GNAO1: variants seen among roughly 807,000 people sequenced by gnomAD.
GNAO1 encodes guanine nucleotide-binding protein G(o) subunit alpha.
For missense variants in GNAO1, 166 were observed against 478.7 expected, an observed-to-expected ratio of 0.35 and a Z score of 6.10; for synonymous variants, 164 against 180.7, an observed-to-expected ratio of 0.91 and a Z score of 0.74.
intron 6 of GNAO1, chr16:56,348,110 TAATA>T (rs1479462163): frequency 1.0e-5 from 10 of 970,636 alleles, no homozygotes; most frequent in Non-Finnish European, 1.2e-5. Flanking sequence ...CTTGTTGGTT[TAATA>T]AATCTCTAGT....
chr16:56,305,821 G>A (rs185386033), intron 3 of GNAO1, among the ~76,000 whole-genome samples: 8 of 152,316 alleles, frequency 5.3e-5, no homozygotes, highest in Admixed American at 5.2e-4. Context: ...GTAGATGGCT[G>A]TTTTCTCCCC....
intron 2 of GNAO1, among the ~76,000 whole-genome samples, chr16:56,205,084 A>T (rs1385299885): frequency 2.0e-5 from 3 of 152,190 alleles, no homozygotes; most frequent in Non-Finnish European, 1.5e-5. Context: ...GAAAACTGGG[A>T]CATCAGCTCA....
At chr16:56,337,010 C>T (rs773889434) in intron 6 of GNAO1, 150 bp downstream of exon 6, 8 of 748,552 alleles carry the variant, frequency 1.1e-5, no homozygotes, top group East Asian at 5.5e-5. Flanking sequence ...ATGGACAGGC[C>T]GTGCCGGCAC....
At chr16:56,236,883 C>T (rs927272542) in intron 2 of GNAO1, among the ~76,000 whole-genome samples, 56 of 152,152 alleles carry the variant, frequency 3.7e-4, no homozygotes, top group African/African-American at 1.1e-3. Context: ...AGCCAAGGGC[C>T]GTGTCCCAGG....
chr16:56,312,882 A>T (rs1411285992), intron 3 of GNAO1, among the ~76,000 whole-genome samples: 1 of 152,172 alleles, frequency 6.6e-6, no homozygotes, highest in African/African-American at 2.4e-5. Flanking sequence ...CTTCTCTCTC[A>T]GCTTGTCTGA....
At chr16:56,202,472 T>C (rs182277937) in intron 2 of GNAO1, among the ~76,000 whole-genome samples, 1 of 152,238 alleles carries the variant, frequency 6.6e-6, no homozygotes, top group East Asian at 1.9e-4. Context: ...TGTTCATTTC[T>C]ACATGGGAGT....
At chr16:56,224,143 G>A (rs556031585) in intron 2 of GNAO1, among the ~76,000 whole-genome samples, 6 of 152,180 alleles carry the variant, frequency 3.9e-5, no homozygotes, top group South Asian at 2.1e-4. Context: ...GGACCAGGCC[G>A]TATTCATTTC....
intron 4 of GNAO1, among the ~76,000 whole-genome samples, chr16:56,331,162 G>C (rs1436825959): frequency 6.6e-6 from 1 of 152,168 alleles, no homozygotes; most frequent in Non-Finnish European, 1.5e-5. Flanking sequence ...AACCACCAAA[G>C]CACTTCTCTG....
intron 2 of GNAO1, among the ~76,000 whole-genome samples, chr16:56,201,560 G>A (rs552236655): frequency 6.6e-6 from 1 of 152,346 alleles, no homozygotes; most frequent in South Asian, 2.1e-4. Flanking sequence ...CAGCTCTGGA[G>A]GTTGGGAGAC....
chr16:56,204,675 T>C (rs1423129594), intron 2 of GNAO1, among the ~76,000 whole-genome samples: 1 of 152,226 alleles, frequency 6.6e-6, no homozygotes, highest in African/African-American at 2.4e-5. Flanking sequence ...AAGACCATTG[T>C]ATTTGAAGCT....
chr16:56,241,027 C>T (rs567854205), intron 2 of GNAO1, among the ~76,000 whole-genome samples: 1 of 152,336 alleles, frequency 6.6e-6, no homozygotes, highest in African/African-American at 2.4e-5. Flanking sequence ...GGGCTCCGTA[C>T]TCTCTGTGTA....
rs568259645 is a variant in GNAO1 at position 56,221,802 on chromosome 16, G to A, written c.161+29186G>A. Among the ~76,000 whole-genome samples, 5 of 152,198 alleles carry A rather than the reference G, an allele frequency of 3.3e-5. No individual in the cohort carries two copies. In the South Asian group the frequency reaches 8.3e-4, roughly 25 times the overall value. On this transcript the variant is annotated intron_variant, in intron 2 of 8. Coordinates refer to ENST00000262493, the MANE Select transcript of GNAO1 (RefSeq NM_020988.3). ...CATGGGTATGATTTTTCTGGTCATC[G>A]TCATCATTGTTTCAGGAGTCAAAGT... is the stretch of plus-strand genomic sequence containing the variant.
At chr16:56,291,817 C>T (rs2037235610) in intron 3 of GNAO1, among the ~76,000 whole-genome samples, 3 of 152,186 alleles carry the variant, frequency 2.0e-5, no homozygotes, top group African/African-American at 4.8e-5. Flanking sequence ...AGATGGTGCC[C>T]TATCACTGCA....
At position 56,247,463 on chromosome 16, in the gene GNAO1, T is replaced by A. The variant is rs563641078; in HGVS notation, c.162-28468T>A. On this transcript the variant is annotated intron_variant, in intron 2 of 8. Transcript: ENST00000262493. Reference sequence around the variant, plus strand: ...TCTTGCAGTGTATCTGACATTTTGCTACCTTTTATTAGGGTGAGGTTTTTT... The same window carrying A: ...TCTTGCAGTGTATCTGACATTTTGCAACCTTTTATTAGGGTGAGGTTTTTT... 3.3e-5 allele frequency among the ~76,000 whole-genome samples: 5 copies of A among 151,608 alleles called. No homozygotes were observed. In the South Asian group the frequency reaches 1.0e-3, roughly 32 times the overall value.
At chr16:56,233,637 G>A (rs1357917321) in intron 2 of GNAO1, among the ~76,000 whole-genome samples, 1 of 152,216 alleles carries the variant, frequency 6.6e-6, no homozygotes, top group Non-Finnish European at 1.5e-5. Flanking sequence ...CAAGCTTGTG[G>A]ATTTCTATTC....
intron 2 of GNAO1, among the ~76,000 whole-genome samples, chr16:56,248,733 G>A (rs1392188609): frequency 6.6e-6 from 1 of 152,214 alleles, no homozygotes; most frequent in South Asian, 2.1e-4. Context: ...AAGTGCAAAG[G>A]CCCTGAGGTG....
Position 56,343,947 on chromosome 16 carries a change from C to T in GNAO1, c.723+7087C>T, listed in dbSNP as rs375072745. 3.1e-6 allele frequency: 5 copies of T among 1,613,078 alleles called. No individual in the cohort carries two copies. The African/African-American group carries it at 6.7e-5, about 22-fold the overall frequency. On this transcript the variant is annotated intron_variant, in intron 6 of 8. Transcript: ENST00000262493. ...AAAACCTGCGGGGCTGTGGACTCTA[C>T]TGAGCCCAGCCGCCCTGCCCGGCAC... is the stretch of plus-strand genomic sequence containing the variant.
chr16:56,306,095 A>G (rs565246339), intron 3 of GNAO1, among the ~76,000 whole-genome samples: 1 of 152,342 alleles, frequency 6.6e-6, no homozygotes, highest in South Asian at 2.1e-4. Context: ...TGAATGCTGC[A>G]GCAGGCTGAG....
intron 6 of GNAO1, chr16:56,345,789 C>T (rs1237360221): frequency 8.1e-6 from 8 of 985,440 alleles, no homozygotes; most frequent in South Asian, 4.7e-5. Context: ...AGCAGCACCA[C>T]GCTGGGTGAG....
Sources: gnomAD v4.1 joint callset for allele counts (sites outside exome capture counted in the v4.1 genomes callset) on GRCh38, gnomAD v4.1.1 for gene constraint, MANE v1.5 for transcripts, NCBI Gene and HGNC (gene_info 2026-07-23, HGNC 2026-07-21) for gene names.